MTNR1A: variants seen among roughly 807,000 people sequenced by gnomAD.
The protein encoded by MTNR1A is melatonin receptor type 1A.
A neutral mutation model predicts 5.5 loss-of-function variants in MTNR1A; 7 were observed. The observed-to-expected ratio is 1.28, with a 90% CI of 0.73 to 2.40. MTNR1A has a LOEUF of 2.40. Among genes scored for constraint, MTNR1A ranks in the 30% most tolerant of loss-of-function variants. The probability of loss-of-function intolerance (pLI) is 0.00; values close to 1 mark genes in which losing one functional copy is unlikely to be tolerated. For synonymous variants in MTNR1A, 196 were observed against 202.7 expected (o/e 0.97, Z 0.28); for missense variants, 441 against 464.4 (o/e 0.95, Z 0.46).
At chr4:186,550,085 A>G (rs1273054848) in intron 1 of MTNR1A, among the ~76,000 whole-genome samples, 2 of 152,320 alleles carry the variant, frequency 1.3e-5, no homozygotes, top group Middle Eastern at 3.4e-3. Context: ...TGAGTACTTC[A>G]TCCAGAGAAT....
chr4:186,542,619 T>A lies in MTNR1A; in HGVS notation c.185-8062A>T, dbSNP rs1318506568. Among the ~76,000 whole-genome samples, 3 of 152,292 alleles carry A rather than the reference T, an allele frequency of 2.0e-5. No individual in the cohort carries two copies. The East Asian group carries it at 5.8e-4, about 29-fold the overall frequency. On this transcript the variant is annotated intron_variant, in intron 1 of 1. Transcript: ENST00000307161. ...CTCTAAATCAGTGATTAACATAGAA[T>A]GTTGTTCATCCCATGGCCAGGATTC...
At chr4:186,538,998 C>G (rs1479451957) in intron 1 of MTNR1A, among the ~76,000 whole-genome samples, 1 of 151,984 alleles carries the variant, frequency 6.6e-6, no homozygotes, top group Non-Finnish European at 1.5e-5. Flanking sequence ...GGCGGGGGAT[C>G]ACGAGGTCAC....
chr4:186,533,943 T>C lies in MTNR1A; in HGVS notation c.799A>G (p.Ser267Gly). 3.1e-6 allele frequency: 5 copies of C among 1,614,168 alleles called. No homozygotes were observed. Among genetic ancestry groups the C allele is most frequent in the Non-Finnish European group, 4.2e-6 (5 of 1,180,036 alleles). Residue 267 changes from serine (S) to glycine (G), a missense_variant, in exon 2 of 2, where the codon AGC (serine) becomes GGC (glycine). Physicochemically the swap from Ser to Gly is moderately conservative, Grantham distance 56. Transcript: ENST00000307161. Reference sequence around the variant, plus strand: ...CACTCTGGGATCCTAGGCACCATGCTGGCGGGGTCAGAGGCCACGGCCAGG... The same window carrying C: ...CACTCTGGGATCCTAGGCACCATGCCGGCGGGGTCAGAGGCCACGGCCAGG... ...IGLAVASDPA[S>G]MVPRIPEWLF...
intron 1 of MTNR1A, among the ~76,000 whole-genome samples, chr4:186,550,058 G>A (rs924394970): frequency 4.6e-5 from 7 of 152,166 alleles, no homozygotes; most frequent in African/African-American, 1.7e-4. Context: ...ATACAGCTCT[G>A]TAGAAAGACA....
At chr4:186,538,751 G>A (rs1355269453) in intron 1 of MTNR1A, among the ~76,000 whole-genome samples, 2 of 152,202 alleles carry the variant, frequency 1.3e-5, no homozygotes, top group Non-Finnish European at 2.9e-5. Context: ...GACTGATACA[G>A]AATTTGGTTC....
intron 1 of MTNR1A, among the ~76,000 whole-genome samples, chr4:186,550,919 A>G (rs1378492795): frequency 1.3e-5 from 2 of 152,236 alleles, no homozygotes; most frequent in Non-Finnish European, 2.9e-5. Flanking sequence ...AAACCAAGAT[A>G]GAAAGTCATA....
chr4:186,545,248 T>C (rs1392549143), intron 1 of MTNR1A, among the ~76,000 whole-genome samples: 1 of 152,082 alleles, frequency 6.6e-6, no homozygotes, highest in Non-Finnish European at 1.5e-5. Flanking sequence ...AAGAGCTACT[T>C]ACTATGGTGT....
chr4:186,554,937 G>C (rs1402602924), intron 1 of MTNR1A, among the ~76,000 whole-genome samples: 2 of 152,208 alleles, frequency 1.3e-5, no homozygotes, highest in Admixed American at 6.5e-5. Flanking sequence ...ACCAGACGGG[G>C]GTGTCCCCAT....
rs1800885 is a variant in MTNR1A, at chr4:186,555,206, G to A, written c.160C>T (p.Arg54Trp). 1,098 of 1,595,554 alleles carry A rather than the reference G, an allele frequency of 6.9e-4. 24 individuals carry two copies. The East Asian group carries it at 0.022, about 33-fold the overall frequency. ...GNLLVILSVY[R>W]NKKLRNAGNI... Reference sequence around the variant, plus strand: ...CCTGCGTTCCTGAGCTTCTTGTTCCGATACACCGACAGGATGACCAGGAGG... The same window carrying A: ...CCTGCGTTCCTGAGCTTCTTGTTCCAATACACCGACAGGATGACCAGGAGG... The change falls in exon 1 of 2, where the codon CGG becomes TGG. Residue 54 changes from arginine to tryptophan, a missense_variant. Physicochemically the swap from Arg to Trp is moderately radical, Grantham distance 101. Coordinates refer to ENST00000307161, the MANE Select transcript of MTNR1A (RefSeq NM_005958.4). The surrounding 1 kb of genome is among the most constrained non-coding windows in gnomAD (Gnocchi z 4.1).
At chr4:186,537,114 T>G (rs1736874792) in intron 1 of MTNR1A, among the ~76,000 whole-genome samples, 1 of 152,202 alleles carries the variant, frequency 6.6e-6, no homozygotes, top group African/African-American at 2.4e-5. Flanking sequence ...ATTCAAGCAA[T>G]TACATTAATT....
intron 1 of MTNR1A, among the ~76,000 whole-genome samples, chr4:186,551,176 G>A (rs1249941124): frequency 6.6e-6 from 1 of 152,172 alleles, no homozygotes; most frequent in African/African-American, 2.4e-5. Context: ...CTTGCCCAAG[G>A]AAGCTACTGT....
Position 186,553,812 on chromosome 4 carries a change from G to A in MTNR1A, c.184+1370C>T, listed in dbSNP as rs151036612. 4.1e-3 allele frequency among the ~76,000 whole-genome samples: 631 copies of A among 152,258 alleles called. 7 individuals are homozygous for A. The highest frequency in any genetic ancestry group is 0.015 in the African/African-American group (603 of 41,546). Reference sequence around the variant, plus strand: ...CAGGCTTGAGCCATCGCGCCCAGCCGTGAACACTTTTTAAAGGTTCTGCAG... The same window carrying A: ...CAGGCTTGAGCCATCGCGCCCAGCCATGAACACTTTTTAAAGGTTCTGCAG... On this transcript the variant is annotated intron_variant, in intron 1 of 1. Coordinates refer to ENST00000307161, the MANE Select transcript of MTNR1A (RefSeq NM_005958.4).
At chr4:186,548,810 G>GATATAT (rs71595106) in intron 1 of MTNR1A, among the ~76,000 whole-genome samples, 3,858 of 54,046 alleles carry the variant, frequency 0.071, 267 homozygotes, top group Middle Eastern at 0.093. Flanking sequence ...AATCTATAAA[G>GATATAT]ATATATATAT....
Position 186,555,104 on chromosome 4 carries a change from T to C in MTNR1A, c.184+78A>G. On this transcript the variant is annotated intron_variant, in intron 1 of 1. Transcript: ENST00000307161. This position sits in a 1 kb window ranked among gnomAD's most constrained non-coding sequence, Gnocchi z 4.1. The stretch of plus-strand genomic sequence containing the variant: ...GCAGTGTTTAGGAAAAAGAACCAAG[T>C]GCTTGGGGAAGGCTGGCTGCCCGCG... The C allele has an allele frequency of 1.4e-6, 2 of 1,431,774 alleles. No individual in the cohort carries two copies. The highest frequency in any genetic ancestry group is 9.6e-7 in the Non-Finnish European group (1 of 1,039,968). 88.7% of individuals were successfully genotyped at this position (1,431,774 alleles called of 1,614,324 possible).
chr4:186,554,842 G>A (rs1194533097), intron 1 of MTNR1A, among the ~76,000 whole-genome samples: 1 of 152,180 alleles, frequency 6.6e-6, no homozygotes, highest in Non-Finnish European at 1.5e-5. Context: ...CCAAGCAATT[G>A]ATCAGTTCGT....
In MTNR1A at chr4:186,534,696, G is replaced by A. The variant is rs1231311879; in HGVS notation, c.185-139C>T. On this transcript the variant is annotated intron_variant, in intron 1 of 1. Coordinates refer to ENST00000307161, the MANE Select transcript of MTNR1A (RefSeq NM_005958.4). Reference sequence around the variant, plus strand: ...GCGGCCGCACTGCAAATGAAGTGGAGGCCGTTTCCCAGGAGGGCCAGTCCA... The same window carrying A: ...GCGGCCGCACTGCAAATGAAGTGGAAGCCGTTTCCCAGGAGGGCCAGTCCA... The A allele has an allele frequency of 4.3e-6, 4 of 933,888 alleles. No homozygotes were observed. The African/African-American group carries it at 1.2e-4, about 28-fold the overall frequency. The allele number at this position is 933,888 out of a possible 1,614,324, so 57.9% of individuals were successfully genotyped here. A position where few individuals can be genotyped will look rare whatever the true frequency, so the allele number is the denominator to read the frequency against.
At position 186,535,235 on chromosome 4, in the gene MTNR1A, A is replaced by G. The variant is rs1250514943; in HGVS notation, c.185-678T>C. Among the ~76,000 whole-genome samples, 3 of 152,312 alleles carry G rather than the reference A, an allele frequency of 2.0e-5. No homozygotes were observed. The East Asian group carries it at 5.8e-4, about 29-fold the overall frequency. ...AGCGCCATGTACCGTGTCTTACACC[A>G]TAGAAATGTTCTTATTCTACGACTC... On this transcript the variant is annotated intron_variant, in intron 1 of 1. Transcript: ENST00000307161.
intron 1 of MTNR1A, among the ~76,000 whole-genome samples, chr4:186,545,229 A>G (rs1351054498): frequency 6.6e-6 from 1 of 152,056 alleles, no homozygotes; most frequent in East Asian, 1.9e-4. Context: ...TGGCTTCTAG[A>G]TAGAAAAAAA....
chr4:186,555,038 G>A lies in MTNR1A; in HGVS notation c.184+144C>T. On this transcript the variant is annotated intron_variant, in intron 1 of 1. Transcript: ENST00000307161. The surrounding 1 kb of genome is among the most constrained non-coding windows in gnomAD (Gnocchi z 4.1). ...AAAAGGCACTTTCAACGGGCAGGCT[G>A]GAGAAGAGTCCTCTCTAACAGGAAA... is the stretch of plus-strand genomic sequence containing the variant. The A allele has an allele frequency of 1.1e-6, 1 of 947,862 alleles. No homozygotes were observed. 58.7% of individuals were successfully genotyped at this position (947,862 alleles called of 1,614,324 possible).
Sources: allele counts gnomAD v4.1 joint callset (sites outside exome capture counted in the v4.1 genomes callset), GRCh38; gene constraint gnomAD v4.1.1; non-coding constraint Gnocchi (gnomAD v3.1); transcripts MANE v1.5; gene names NCBI Gene and HGNC (gene_info 2026-07-23, HGNC 2026-07-21).